TTN: variants seen among roughly 807,000 people sequenced by gnomAD.
TTN encodes titin, also known as connectin.
In TTN, 1,525 loss-of-function variants were observed where a neutral mutation model predicts 3,223.0. The ratio of observed to expected loss-of-function variants is 0.47; its 90% confidence interval spans 0.45 to 0.49. The LOEUF (loss-of-function observed/expected upper bound fraction) is 0.49. Ranked by LOEUF, TTN falls within the 20% of genes least tolerant of loss-of-function variation. The pLI is 0.00. For missense variants in TTN, 40,786 were observed against 43,424.0 expected, an observed-to-expected ratio of 0.94 and a Z score of 5.40; for synonymous variants, 14,094 against 15,161.0, an observed-to-expected ratio of 0.93 and a Z score of 5.17.
intron 216 of TTN, 110 bp from the exon 217 acceptor site, chr2:178,646,140 A>ATATATATG (rs2061957198): frequency 1.3e-5 from 2 of 159,952 alleles, no homozygotes; most frequent in African/African-American, 5.7e-5. Flanking sequence ...ATATATATAT[A>ATATATATG]TATATATGAA....
chr2:178,634,013 A>G lies in TTN; in HGVS notation c.42486T>C (p.Val14162=), dbSNP rs763151045. The G allele has an allele frequency of 1.9e-6, 3 of 1,613,354 alleles. No homozygotes were observed. Among genetic ancestry groups the G allele is most frequent in the Admixed American group, 3.3e-5 (2 of 59,972 alleles). The change falls in exon 231 of 363, where the codon GTT becomes GTC. Residue 14162 remains valine, a synonymous_variant. Transcript: ENST00000589042. The surrounding 1 kb of genome is among the most constrained non-coding windows in gnomAD (Gnocchi z 4.6). The stretch of plus-strand genomic sequence containing the variant: ...GCATTTTTTCATGAGAAAGTTCACA[A>G]ACAAAAGTTGCTGTTTCACCTTCTT... The part of the protein sequence containing the change: ...TVKEGETATF[V]CELSHEKMHV...
chr2:178,617,487 T>C lies in TTN; in HGVS notation c.47598A>G (p.Leu15866=), dbSNP rs879099244. ...ATGACTGAGTCTGATCTGAGGAAGT[T>C]AGGTTTACAGGAGGACTTGGTCTCT... ...PIERPSPPVN[L]TSSDQTQSSV... The change falls in exon 254 of 363, where the codon CTA becomes CTG. Residue 15866 remains leucine, a synonymous_variant. Transcript: ENST00000589042. 8.8e-6 allele frequency: 14 copies of C among 1,592,284 alleles called. No homozygotes were observed. In the African/African-American group the frequency reaches 1.6e-4, roughly 19 times the overall value.
At position 178,705,483 on chromosome 2, in the gene TTN, T is replaced by G; in HGVS notation, c.29421-126A>C. The G allele has an allele frequency of 5.1e-6, 4 of 790,256 alleles. No homozygotes were observed. In the South Asian group the frequency reaches 1.2e-4, roughly 24 times the overall value. The allele number at this position is 790,256 out of a possible 1,614,324, so 49.0% of individuals were successfully genotyped here. ...TGTTCTTTATTCAATAAATATTAAT[T>G]TTACCATGTTAGCTGTGAAACAATT... On this transcript the variant is annotated intron_variant, in intron 102 of 362. Coordinates refer to ENST00000589042, the MANE Select transcript of TTN (RefSeq NM_001267550.2).
rs770296752 is a variant in TTN at position 178,577,284 on chromosome 2, T to C, written c.69051A>G (p.Glu23017=). The change falls in exon 324 of 363, where the codon GAA becomes GAG. Residue 23017 remains glutamate (E), a synonymous_variant. Coordinates refer to ENST00000589042, the MANE Select transcript of TTN (RefSeq NM_001267550.2). ...IKYATRKDAG[E]YTITATNPFG... Reference sequence around the variant, plus strand: ...AAGGATTGGTAGCAGTGATGGTATATTCACCCGCATCTTTTCTAGTGGCAT... The same window carrying C: ...AAGGATTGGTAGCAGTGATGGTATACTCACCCGCATCTTTTCTAGTGGCAT... The C allele has an allele frequency of 6.2e-7, 1 of 1,612,968 alleles. No homozygotes were observed. The highest frequency in any genetic ancestry group is 1.1e-5 in the South Asian group (1 of 91,038).
chr2:178,666,544 A>G (rs1175913170), intron 163 of TTN, among the ~76,000 whole-genome samples: 1 of 152,150 alleles, frequency 6.6e-6, no homozygotes, highest in African/African-American at 2.4e-5. Context: ...ACATGTTTTG[A>G]TCATAATATG....
In TTN at chr2:178,667,477, G is replaced by C. The variant is rs750832804; in HGVS notation, c.35678C>G (p.Thr11893Ser). 9.4e-6 allele frequency: 15 copies of C among 1,599,940 alleles called. No homozygotes were observed. In the Admixed American group the frequency reaches 1.0e-4, roughly 11 times the overall value. ...TGGTGTTTCTCTCTTTTTAGGAATA[G>C]TCACATATATTTTGTCTTCTGGAAC... ...KVVPEDKIYV[T>S]IPKKRETPAT... The change falls in exon 161 of 363, where the codon ACT (threonine) becomes AGT (serine). Residue 11893 changes from threonine to serine, a missense_variant. Transcript: ENST00000589042.
In TTN at chr2:178,536,284, T is replaced by C. The variant is rs1415630189; in HGVS notation, c.100463A>G (p.Lys33488Arg). 1.2e-6 allele frequency: 2 copies of C among 1,613,748 alleles called. No homozygotes were observed. The highest frequency in any genetic ancestry group is 1.7e-6 in the Non-Finnish European group (2 of 1,179,766). Reference sequence around the variant, plus strand: ...TGGTGCCTGAATTGGGACATCAGATTTGGGAGTGATGGGTTCTGATATTTC... The same window carrying C: ...TGGTGCCTGAATTGGGACATCAGATCTGGGAGTGATGGGTTCTGATATTTC... ...WSEISEPITP[K>R]SDVPIQAPHF... is the part of the protein sequence containing the mutation. Residue 33488 changes from lysine to arginine, a missense_variant, in exon 357 of 363, where the codon AAA becomes AGA. By Grantham distance (26) the Lys-to-Arg change is conservative (BLOSUM62 2). Transcript: ENST00000589042.
At position 178,775,992 on chromosome 2, in the gene TTN, G is replaced by A; in HGVS notation, c.5872C>T (p.Gln1958Ter). ...EFHVHEPGKLQFEVQKVDRPV... is the reference protein window; with the variant it reads ...EFHVHEPGKL ...CTATCCACTTTTTGTACTTCAAACT[G>A]AAGCTTTCCTGGTTCATGTACGTGA... The change falls in exon 28 of 363, where the codon CAG becomes TAG. Residue 1958 changes from glutamine (Q) to a stop codon, truncating the protein, a stop_gained. Coordinates refer to ENST00000589042, the MANE Select transcript of TTN (RefSeq NM_001267550.2). LOFTEE classifies it high-confidence loss of function. 1.9e-6 allele frequency: 3 copies of A among 1,614,134 alleles called. No individual in the cohort carries two copies. In the South Asian group the frequency reaches 3.3e-5, roughly 18 times the overall value.
rs1024577519 is a variant in TTN at position 178,724,339 on chromosome 2, C to A, written c.21036G>T (p.Arg7012Ser). The A allele has an allele frequency of 1.9e-5, 30 of 1,613,450 alleles. No homozygotes were observed. In the African/African-American group the frequency reaches 3.3e-4, roughly 18 times the overall value. The change falls in exon 72 of 363, where the codon AGG (arginine) becomes AGT (serine). Residue 7012 changes from arginine to serine, a missense_variant. Coordinates refer to ENST00000589042, the MANE Select transcript of TTN (RefSeq NM_001267550.2). ...GGAAAGTGTATGTGCCTGCATCTTG[C>A]CTTTCAACTGAGAGAATCCTTAAGG... ...ISSLRILSVE[R>S]QDAGTYTFQV...
In TTN at chr2:178,537,016, G is replaced by A. The variant is rs543226487; in HGVS notation, c.100093C>T (p.Arg33365Trp). 3.7e-6 allele frequency: 6 copies of A among 1,613,130 alleles called. No individual in the cohort carries two copies. Among genetic ancestry groups the A allele is most frequent in the African/African-American group, 1.3e-5 (1 of 74,884 alleles). ...NLTENAGYYF[R>W]VSAQNTFGIS... ...CCGAAAGTGTTCTGAGCTGAAACCC[G>A]GAAGTAATAGCCAGCATTTTCTGTG... The change falls in exon 356 of 363, where the codon CGG becomes TGG. Residue 33365 changes from arginine to tryptophan, a missense_variant. Arg to Trp is a moderately radical substitution (Grantham distance 101, BLOSUM62 -3). Coordinates refer to ENST00000589042, the MANE Select transcript of TTN (RefSeq NM_001267550.2).
Position 178,575,828 on chromosome 2 carries a change from G to A in TTN, c.70304C>T (p.Thr23435Met), listed in dbSNP as rs1324845938. 13 of 1,613,476 alleles carry A rather than the reference G, an allele frequency of 8.1e-6. No individual in the cohort carries two copies. Among genetic ancestry groups the A allele is most frequent in the East Asian group, 2.2e-5 (1 of 44,810 alleles). Reference protein sequence around the residue: ...SGFVNVRVLDTPGPVLNLRPT... With the variant: ...SGFVNVRVLDMPGPVLNLRPT... ...CCGCAGGTTGAGGACTGGGCCTGGC[G>A]TGTCCAAGACTCTGACGTTCACAAA... Residue 23435 changes from threonine (T) to methionine (M), a missense_variant, in exon 326 of 363, where the codon ACG becomes ATG. Transcript: ENST00000589042. This position sits in a 1 kb window ranked among gnomAD's most constrained non-coding sequence, Gnocchi z 4.0.
In TTN at chr2:178,688,242, T is replaced by G. The variant is rs2071396440; in HGVS notation, c.32198-18A>C. ...TGCAGATACTTTAAAAGATAAGGTT[T>G]CATTTAAATTCAGCCTGCTGAGATA... On this transcript the variant is annotated intron_variant, in intron 126 of 362. Coordinates refer to ENST00000589042, the MANE Select transcript of TTN (RefSeq NM_001267550.2). The G allele has an allele frequency of 1.2e-6, 2 of 1,605,554 alleles. No individual in the cohort carries two copies. Among genetic ancestry groups the G allele is most frequent in the East Asian group, 4.5e-5 (2 of 44,820 alleles).
chr2:178,783,951 T>A, intron 16 of TTN, 119 bp downstream of exon 16: 1 of 1,527,680 alleles, frequency 6.5e-7, no homozygotes, highest in Non-Finnish European at 9.0e-7. Flanking sequence ...AAATCAAGTC[T>A]TAGTATGGCA....
At chr2:178,628,049 T>G (rs184134151) in intron 240 of TTN, among the ~76,000 whole-genome samples, 17 of 152,216 alleles carry the variant, frequency 1.1e-4, no homozygotes, top group African/African-American at 3.6e-4. Flanking sequence ...ATTCCCATGC[T>G]ACAAATGGAA....
At chr2:178,640,007 A>G (rs1332645136) in intron 222 of TTN, 41 bp downstream of exon 222, 1 of 1,605,498 alleles carries the variant, frequency 6.2e-7, no homozygotes, top group East Asian at 2.2e-5. Flanking sequence ...GTGTGAATAC[A>G]GAAAGAATAT....
At chr2:178,706,127 T>G (rs952015569) in intron 102 of TTN, among the ~76,000 whole-genome samples, 2 of 152,178 alleles carry the variant, frequency 1.3e-5, no homozygotes, top group African/African-American at 4.8e-5. Flanking sequence ...AGATTCTTTT[T>G]GTGAATGGGA....
chr2:178,704,043 T>G (rs2075445681), intron 106 of TTN, 104 bp downstream of exon 106: 5 of 1,425,644 alleles, frequency 3.5e-6, no homozygotes, highest in East Asian at 4.6e-5. Context: ...TAAGAACACA[T>G]GACCACTTTG....
In TTN at chr2:178,614,882, CTGCTTGGTT is replaced by C; in HGVS notation, c.48716_48724del (p.Lys16239_Ser16241del). 1 of 1,576,718 alleles carries C rather than the reference CTGCTTGGTT, an allele frequency of 6.3e-7. No homozygotes were observed. On this transcript the variant is annotated inframe_deletion, in exon 260 of 363. Transcript: ENST00000589042. ...CACAGCCTGGATTTCCTCTGTGGGT[CTGCTTGGTT>C]TGCTAGCACCCTGCCTGTTTAAGGC... is the stretch of plus-strand genomic sequence containing the variant.
At chr2:178,673,762 C>A in intron 151 of TTN, 52 bp from the exon 152 acceptor site, 1 of 1,272,974 alleles carries the variant, frequency 7.9e-7, no homozygotes, top group Non-Finnish European at 1.1e-6. Flanking sequence ...ATGAGCAGAA[C>A]ACCACCCATA....
Sources: gnomAD v4.1 joint callset for allele counts (sites outside exome capture counted in the v4.1 genomes callset) on GRCh38, gnomAD v4.1.1 for gene constraint, Gnocchi (gnomAD v3.1) non-coding constraint, MANE v1.5 for transcripts, NCBI Gene and HGNC (gene_info 2026-07-23, HGNC 2026-07-21) for gene names.